Variants in ZNF541 observed in about 807,000 individuals in gnomAD.
ZNF541 encodes zinc finger protein 541.
In ZNF541, 23 loss-of-function variants were observed where a neutral mutation model predicts 123.5. That is an observed-to-expected ratio of 0.19 (90% confidence interval 0.13 to 0.26). The LOEUF is 0.26. Ranked by LOEUF, ZNF541 falls within the 10% of genes least tolerant of loss-of-function variation. The pLI is 1.00. For synonymous variants in ZNF541, 751 were observed against 754.5 expected (o/e 1.00, Z 0.08); for missense variants, 1,612 against 1,789.9 (o/e 0.90, Z 1.79).
rs773384037 is a variant in ZNF541, at chr19:47,544,481, G to A, written c.2048C>T (p.Ser683Phe). 6.4e-7 allele frequency: 1 copy of A among 1,551,736 alleles called. No homozygotes were observed. Among genetic ancestry groups the A allele is most frequent in the Non-Finnish European group, 8.7e-7 (1 of 1,147,010 alleles). Residue 683 changes from serine to phenylalanine, a missense_variant, in exon 5 of 17, where the codon TCT becomes TTT. Physicochemically the swap from Ser to Phe is radical, Grantham distance 155. Coordinates refer to ENST00000391901, the MANE Select transcript of ZNF541 (RefSeq NM_001277075.3). The part of the protein sequence containing the change: ...ISSLAKQLRS[S>F]KGTLDLEDIF... ...GTCCTCCAGGTCCAAGGTCCCTTTA[G>A]AGGATCGCAGCTGCTTGGCCAGAGA...
At chr19:47,538,505 T>C (rs895822088) in intron 8 of ZNF541, 66 bp from the exon 9 acceptor site, 22 of 1,413,202 alleles carry the variant, frequency 1.6e-5, no homozygotes, top group Non-Finnish European at 2.0e-5. Context: ...ATCTCCAGGA[T>C]GGAAAGAGAG....
intron 2 of ZNF541, among the ~76,000 whole-genome samples, chr19:47,568,799 G>C (rs1478618206): frequency 1.3e-5 from 2 of 152,064 alleles, no homozygotes; most frequent in African/African-American, 4.8e-5. Flanking sequence ...AACCTTCCGA[G>C]TAGCTGGGAC....
intron 14 of ZNF541, among the ~76,000 whole-genome samples, chr19:47,526,989 T>C (rs1383981891): frequency 6.6e-6 from 1 of 152,220 alleles, no homozygotes; most frequent in African/African-American, 2.4e-5. Flanking sequence ...TGGAATACTA[T>C]TCAGCAGTGA....
chr19:47,521,218 C>T lies in ZNF541; in HGVS notation c.*6G>A, dbSNP rs370555175. 1.7e-4 allele frequency: 261 copies of T among 1,550,506 alleles called. No homozygotes were observed. In the African/African-American group the frequency reaches 2.6e-3, roughly 16 times the overall value. The stretch of plus-strand genomic sequence containing the variant: ...GAGGCCCCATTCGGACTTGCTGCCA[C>T]GGGAGTCACCACTGCAGGGGGCCGA... On this transcript the variant is annotated 3_prime_UTR_variant, in exon 17 of 17. Transcript: ENST00000391901. This position sits in a 1 kb window ranked among gnomAD's most constrained non-coding sequence, Gnocchi z 4.2.
In ZNF541 at chr19:47,570,576, T is replaced by TA. The variant is rs35955168; in HGVS notation, c.-99+1319dup. 4.1e-3 allele frequency among the ~76,000 whole-genome samples: 241 copies of TA among 58,732 alleles called. 3 individuals are homozygous for TA. Among genetic ancestry groups the TA allele is most frequent in the South Asian group, 5.2e-3 (8 of 1,524 alleles). 38.5% of individuals were successfully genotyped at this position (58,732 alleles called of 152,430 possible). A position where few individuals can be genotyped will look rare whatever the true frequency, so the allele number is the denominator to read the frequency against. ...TGGGCGACAGAGCAAGACTCTGTCCTAAAAAAAAAAAAAAAAAAAAAAAAG... is the reference window on the plus strand; with the variant it reads ...TGGGCGACAGAGCAAGACTCTGTCCTAAAAAAAAAAAAAAAAAAAAAAAAAG... On this transcript the variant is annotated intron_variant, in intron 2 of 16. Coordinates refer to ENST00000391901, the MANE Select transcript of ZNF541 (RefSeq NM_001277075.3).
chr19:47,539,549 G>A (rs759524471), intron 8 of ZNF541, among the ~76,000 whole-genome samples, 156 bp downstream of exon 8: 13 of 152,058 alleles, frequency 8.5e-5, no homozygotes, highest in South Asian at 6.2e-4. Flanking sequence ...CAATCCACCC[G>A]CCTCAGCCTC....
chr19:47,531,663 G>A lies in ZNF541; in HGVS notation c.3384C>T (p.His1128=), dbSNP rs1969579098. The change falls in exon 12 of 17, where the codon CAC becomes CAT. Residue 1128 remains histidine (H), a synonymous_variant. Transcript: ENST00000391901. Reference sequence around the variant, plus strand: ...TCACCTGAACGTTGCCCTGAGCCTCGTGCAGGCAGTGCAGAGCGAGCTCCA... The same window carrying A: ...TCACCTGAACGTTGCCCTGAGCCTCATGCAGGCAGTGCAGAGCGAGCTCCA... ...TNLELALHCL[H]EAQGNVQVAL... is the part of the protein sequence containing the mutation. 10 of 1,545,882 alleles carry A rather than the reference G, an allele frequency of 6.5e-6. No homozygotes were observed. Among genetic ancestry groups the A allele is most frequent in the Non-Finnish European group, 7.9e-6 (9 of 1,142,666 alleles).
At chr19:47,536,604 C>CA (rs1327849450) in intron 9 of ZNF541, among the ~76,000 whole-genome samples, 3 of 151,982 alleles carry the variant, frequency 2.0e-5, no homozygotes, top group Non-Finnish European at 2.9e-5. Flanking sequence ...AAAACAATTA[C>CA]AAAAAATTAG....
chr19:47,542,875 C>A (rs758697254), intron 5 of ZNF541, among the ~76,000 whole-genome samples: 1 of 152,038 alleles, frequency 6.6e-6, no homozygotes, highest in Admixed American at 6.6e-5. Context: ...ACCCAGGAGG[C>A]GGAGGTTGCA....
intron 2 of ZNF541, among the ~76,000 whole-genome samples, chr19:47,563,075 C>T (rs1241704313): frequency 6.6e-6 from 1 of 152,004 alleles, no homozygotes; most frequent in African/African-American, 2.4e-5. Flanking sequence ...TGTAATAGAA[C>T]CTCTGCACCT....
intron 4 of ZNF541, among the ~76,000 whole-genome samples, chr19:47,546,363 G>C (rs924948928): frequency 6.6e-6 from 1 of 151,984 alleles, no homozygotes; most frequent in Non-Finnish European, 1.5e-5. Flanking sequence ...AAAAAATTTA[G>C]CTGGGTGTAG....
intron 3 of ZNF541, among the ~76,000 whole-genome samples, 179 bp downstream of exon 3, chr19:47,555,369 CAA>C (rs367574327): frequency 4.9e-4 from 31 of 63,210 alleles, no homozygotes; most frequent in Non-Finnish European, 4.2e-4. Flanking sequence ...GACTCCATCT[CAA>C]AAAAAAAAAA....
In ZNF541 at chr19:47,545,377, C is replaced by A. The variant is rs1397612244; in HGVS notation, c.1152G>T (p.Trp384Cys). 2.6e-6 allele frequency: 4 copies of A among 1,531,208 alleles called. No individual in the cohort carries two copies. Among genetic ancestry groups the A allele is most frequent in the East Asian group, 2.5e-5 (1 of 40,648 alleles). 94.9% of individuals were successfully genotyped at this position (1,531,208 alleles called of 1,614,324 possible). ...LLQARSTAEC[W>C]PEGGSVPACL... ...AGGCAGGCACGGAGCCGCCTTCGGG[C>A]CAGCACTCCGCGGTGGACCGGGCCT... Residue 384 changes from tryptophan to cysteine, a missense_variant, in exon 5 of 17, where the codon TGG (tryptophan) becomes TGT (cysteine). Transcript: ENST00000391901. The surrounding 1 kb of genome is among the most constrained non-coding windows in gnomAD (Gnocchi z 7.5).
chr19:47,542,036 G>A (rs1970100503), intron 5 of ZNF541, among the ~76,000 whole-genome samples: 1 of 152,168 alleles, frequency 6.6e-6, no homozygotes, highest in Non-Finnish European at 1.5e-5. Context: ...ATCCAACAGA[G>A]GATCACTCAG....
intron 5 of ZNF541, 118 bp downstream of exon 5, chr19:47,544,008 T>C (rs1483521739): frequency 4.7e-6 from 6 of 1,283,026 alleles, no homozygotes; most frequent in Non-Finnish European, 6.2e-6. Flanking sequence ...CCTTAATTCC[T>C]TCCTCTGTAA....
chr19:47,546,877 G>A (rs1020829444), intron 4 of ZNF541, among the ~76,000 whole-genome samples: 8 of 152,024 alleles, frequency 5.3e-5, no homozygotes, highest in East Asian at 1.9e-4. Flanking sequence ...GTGCCACCAC[G>A]CCCAGCTAAT....
chr19:47,546,866 C>G (rs942755660), intron 4 of ZNF541, among the ~76,000 whole-genome samples: 1 of 152,144 alleles, frequency 6.6e-6, no homozygotes, highest in Non-Finnish European at 1.5e-5. Flanking sequence ...ACTACAGGTG[C>G]GTGCCACCAC....
Position 47,539,722 on chromosome 19 carries a change from T to A in ZNF541, c.2779A>T (p.Ile927Leu). 1 of 1,435,590 alleles carries A rather than the reference T, an allele frequency of 7.0e-7. No homozygotes were observed. Among genetic ancestry groups the A allele is most frequent in the Non-Finnish European group, 9.1e-7 (1 of 1,098,522 alleles). The allele number at this position is 1,435,590 out of a possible 1,614,324, so 88.9% of individuals were successfully genotyped here. Reference sequence around the variant, plus strand: ...GCACCCACCATGGCCATGCTCCCTATGTGTCGGGTCACTGGAACCACGGGG... The same window carrying A: ...GCACCCACCATGGCCATGCTCCCTAAGTGTCGGGTCACTGGAACCACGGGG... The part of the protein sequence containing the change: ...SIPVVPVTRH[I>L]GSMAMGQEKD... The change falls in exon 8 of 17, where the codon ATA becomes TTA. Residue 927 changes from isoleucine to leucine, a missense_variant. Coordinates refer to ENST00000391901, the MANE Select transcript of ZNF541 (RefSeq NM_001277075.3).
At chr19:47,557,271 G>A (rs1970862560) in intron 2 of ZNF541, among the ~76,000 whole-genome samples, 1 of 152,116 alleles carries the variant, frequency 6.6e-6, no homozygotes, top group African/African-American at 2.4e-5. Flanking sequence ...GGAAACGGAG[G>A]CCTGGGGCCC....
Sources: allele counts gnomAD v4.1 joint callset (sites outside exome capture counted in the v4.1 genomes callset), GRCh38; gene constraint gnomAD v4.1.1; non-coding constraint Gnocchi (gnomAD v3.1); transcripts MANE v1.5; gene names NCBI Gene and HGNC (gene_info 2026-07-23, HGNC 2026-07-21).